Variants in FAM186A observed in about 807,000 individuals in gnomAD.
The protein encoded by FAM186A is family with sequence similarity 186 member A.
Under a neutral mutation model 216.8 loss-of-function variants are expected in FAM186A, and 163 were observed. That is an observed-to-expected ratio of 0.75 (90% confidence interval 0.66 to 0.86). The LOEUF (loss-of-function observed/expected upper bound fraction) is 0.86, where lower values mean the gene tolerates loss of function less well. Among genes scored for constraint, FAM186A ranks in the 40% least tolerant of loss-of-function variants. The probability of loss-of-function intolerance (pLI) is 0.00; values close to 1 mark genes in which losing one functional copy is unlikely to be tolerated. For missense variants in FAM186A, 2,184 were observed against 2,746.2 expected (o/e 0.80, Z 4.58); for synonymous variants, 805 against 1,025.3 (o/e 0.79, Z 4.10).
rs1270576403 is a variant in FAM186A, at chr12:50,350,381, A to G, written c.6451T>C (p.Leu2151=). 6 of 1,551,174 alleles carry G rather than the reference A, an allele frequency of 3.9e-6. No individual in the cohort carries two copies. The East Asian group carries it at 1.2e-4, about 32-fold the overall frequency. The change falls in exon 4 of 8, where the codon TTG becomes CTG. Residue 2151 remains leucine (L), a synonymous_variant. Coordinates refer to ENST00000327337, the MANE Select transcript of FAM186A (RefSeq NM_001145475.3). ...IEILHMDTVQ[L]GYLFRKYIAY... Reference sequence around the variant, plus strand: ...ATGTACTTGCGGAATAAGTATCCCAACTGAACTGTGTCCATATGAAGTATC... The same window carrying G: ...ATGTACTTGCGGAATAAGTATCCCAGCTGAACTGTGTCCATATGAAGTATC...
At chr12:50,385,019 G>A (rs1408258562) in intron 1 of FAM186A, among the ~76,000 whole-genome samples, 4 of 151,826 alleles carry the variant, frequency 2.6e-5, no homozygotes, top group Non-Finnish European at 5.9e-5. Context: ...TGGCTAGGCT[G>A]GTGTCAACCT....
intron 1 of FAM186A, among the ~76,000 whole-genome samples, chr12:50,367,166 A>G (rs1943097551): frequency 6.6e-6 from 1 of 152,180 alleles, no homozygotes. Context: ...CAAGGCAAGG[A>G]TGCCCACATT....
At chr12:50,395,838 C>G (rs1386060990) in intron 1 of FAM186A, among the ~76,000 whole-genome samples, 3 of 151,944 alleles carry the variant, frequency 2.0e-5, no homozygotes, top group African/African-American at 7.3e-5. Flanking sequence ...CTTGGCTCAC[C>G]ACAACCTCCA....
chr12:50,330,901 T>G, intron 6 of FAM186A, 143 bp from the exon 7 acceptor site: 1 of 639,170 alleles, frequency 1.6e-6, no homozygotes, highest in Non-Finnish European at 2.4e-6. Context: ...TATGCCCACT[T>G]TGACAGAGAG....
At chr12:50,348,862 T>G (rs1942847764) in intron 4 of FAM186A, among the ~76,000 whole-genome samples, 1 of 152,122 alleles carries the variant, frequency 6.6e-6, no homozygotes, top group African/African-American at 2.4e-5. Context: ...GGCCATTTTT[T>G]TGTTTGTTTT....
chr12:50,334,133 T>C (rs933611076), intron 4 of FAM186A, 30 bp from the exon 5 acceptor site: 1 of 1,491,926 alleles, frequency 6.7e-7, no homozygotes, highest in Non-Finnish European at 9.0e-7. Context: ...ATTAGAGCGA[T>C]AATAGTTGCA....
At position 50,350,364 on chromosome 12, in the gene FAM186A, G is replaced by A. The variant is rs1039176919; in HGVS notation, c.6468C>T (p.Arg2156=). 33 of 1,550,384 alleles carry A rather than the reference G, an allele frequency of 2.1e-5. No homozygotes were observed. The highest frequency in any genetic ancestry group is 2.7e-5 in the Non-Finnish European group (31 of 1,146,470). The part of the protein sequence containing the change: ...MDTVQLGYLF[R]KYIAYRLIQH... ...GGATCAGCCTATAGGCAATGTACTT[G>A]CGGAATAAGTATCCCAACTGAACTG... Residue 2156 remains arginine, a synonymous_variant, in exon 4 of 8, where the codon CGC becomes CGT. Coordinates refer to ENST00000327337, the MANE Select transcript of FAM186A (RefSeq NM_001145475.3).
intron 1 of FAM186A, among the ~76,000 whole-genome samples, chr12:50,390,546 T>A (rs1329584419): frequency 6.6e-6 from 1 of 152,214 alleles, no homozygotes; most frequent in African/African-American, 2.4e-5. Flanking sequence ...GCCAATGCCA[T>A]AGGTCAGTGT....
chr12:50,381,915 G>A (rs1167512739), intron 1 of FAM186A, among the ~76,000 whole-genome samples: 2 of 152,136 alleles, frequency 1.3e-5, no homozygotes, highest in East Asian at 1.9e-4. Context: ...AGCCATGATC[G>A]TGCCACTGCA....
Position 50,330,778 on chromosome 12 carries a change from T to TA in FAM186A, c.6849-21_6849-20insT. On this transcript the variant is annotated intron_variant, in intron 6 of 7. Coordinates refer to ENST00000327337, the MANE Select transcript of FAM186A (RefSeq NM_001145475.3). ...TGTTGCCTACAGAATCAGCATAAATTGGGAACGCCAAATTCTCCTGAGCTC... is the reference window on the plus strand; with the variant it reads ...TGTTGCCTACAGAATCAGCATAAATTAGGGAACGCCAAATTCTCCTGAGCTC... The TA allele has an allele frequency of 1.3e-6, 2 of 1,498,980 alleles. No homozygotes were observed. Among genetic ancestry groups the TA allele is most frequent in the Non-Finnish European group, 1.8e-6 (2 of 1,128,140 alleles). 92.9% of individuals were successfully genotyped at this position (1,498,980 alleles called of 1,614,324 possible). A position where few individuals can be genotyped will look rare whatever the true frequency, so the allele number is the denominator to read the frequency against.
intron 4 of FAM186A, among the ~76,000 whole-genome samples, chr12:50,346,209 G>GAGAGAC (rs1397213793): frequency 0.014 from 1,176 of 83,918 alleles, 38 homozygotes; most frequent in African/African-American, 0.048. Flanking sequence ...GAAAGAGAGA[G>GAGAGAC]AGAGAGAGAA....
At chr12:50,342,440 CCTT>C (rs1207801620) in intron 4 of FAM186A, among the ~76,000 whole-genome samples, 1 of 151,042 alleles carries the variant, frequency 6.6e-6, no homozygotes, top group Admixed American at 6.6e-5. Context: ...GGAAAAATCT[CCTT>C]TTTTATTTTT....
chr12:50,331,396 T>A (rs1270520402), intron 6 of FAM186A, among the ~76,000 whole-genome samples: 1 of 152,120 alleles, frequency 6.6e-6, no homozygotes, highest in Non-Finnish European at 1.5e-5. Flanking sequence ...TGCACCACTA[T>A]GCCGGGCTAA....
chr12:50,383,980 T>C (rs912896057), intron 1 of FAM186A, among the ~76,000 whole-genome samples: 18 of 151,942 alleles, frequency 1.2e-4, no homozygotes, highest in Non-Finnish European at 2.6e-4. Flanking sequence ...TAGCCAGGCA[T>C]GGTGGCACAT....
chr12:50,327,454 A>T (rs1395234557), intron 7 of FAM186A, 50 bp from the exon 8 acceptor site: 8 of 1,414,638 alleles, frequency 5.7e-6, no homozygotes, highest in Non-Finnish European at 6.8e-6. Context: ...CTTTAAACAC[A>T]TTTGTGGGAA....
chr12:50,354,259 C>T lies in FAM186A; in HGVS notation c.2573G>A (p.Ser858Asn). ...NLLKEHYEKI[S>N]ENWEEKKAWL... ...TGCCTTTTTTTCTTCCCAATTCTCA[C>T]TTATCTTCTCATAGTGCTCCTTCAA... The change falls in exon 4 of 8, where the codon AGT becomes AAT. Residue 858 changes from serine to asparagine, a missense_variant. Physicochemically the swap from Ser to Asn is conservative, Grantham distance 46 (BLOSUM62 1). Around this residue, in one of 7 missense-constraint regions of FAM186A, gnomAD observed 1,132 missense variants for 1,263.4 expected, o/e 0.90. Transcript: ENST00000327337. 6.4e-7 allele frequency: 1 copy of T among 1,551,626 alleles called. No individual in the cohort carries two copies. Among genetic ancestry groups the T allele is most frequent in the African/African-American group, 1.4e-5 (1 of 73,146 alleles).
At chr12:50,373,027 GAAAGA>G (rs1943160965) in intron 1 of FAM186A, among the ~76,000 whole-genome samples, 1 of 144,760 alleles carries the variant, frequency 6.9e-6, no homozygotes, top group Admixed American at 7.1e-5. Flanking sequence ...AAGAAAGAAA[GAAAGA>G]AAGAAAGAAA....
intron 1 of FAM186A, among the ~76,000 whole-genome samples, chr12:50,369,265 C>T (rs985370566): frequency 8.6e-5 from 13 of 151,528 alleles, no homozygotes; most frequent in African/African-American, 2.7e-4. Context: ...CTGAGGCAGG[C>T]GGATCACGAG....
At chr12:50,341,380 A>G (rs1942761211) in intron 4 of FAM186A, among the ~76,000 whole-genome samples, 1 of 152,170 alleles carries the variant, frequency 6.6e-6, no homozygotes, top group Non-Finnish European at 1.5e-5. Flanking sequence ...TGTTATTATA[A>G]CATTAAATAT....
Sources: gnomAD v4.1 joint callset for allele counts (sites outside exome capture counted in the v4.1 genomes callset) on GRCh38, gnomAD v4.1.1 for gene constraint, gnomAD v4.1.1 regional missense constraint, MANE v1.5 for transcripts, NCBI Gene and HGNC (gene_info 2026-07-23, HGNC 2026-07-21) for gene names.